The following TANK variants were observed in gnomAD, a reference collection of about 807,000 sequenced individuals.
TANK encodes TRAF family member-associated NF-kappa-B activator.
TANK carries 15 observed loss-of-function variants against 43.6 expected under a neutral mutation model. That is an observed-to-expected ratio of 0.34 (90% CI 0.23 to 0.53). The LOEUF is 0.53. Ranked by LOEUF, TANK falls within the 20% of genes least tolerant of loss-of-function variation. The pLI is 0.94. For missense variants in TANK, 417 were observed against 498.6 expected (o/e 0.84, Z 1.56); for synonymous variants, 162 against 178.2 (o/e 0.91, Z 0.73).
intron 1 of TANK, among the ~76,000 whole-genome samples, chr2:161,168,513 A>T (rs560704805): frequency 1.3e-5 from 2 of 152,134 alleles, no homozygotes; most frequent in South Asian, 2.1e-4. Flanking sequence ...AAAGAAAAAA[A>T]ATCCTAATTG....
intron 4 of TANK, among the ~76,000 whole-genome samples, chr2:161,220,228 C>A (rs1371387658): frequency 2.6e-5 from 4 of 152,126 alleles, no homozygotes; most frequent in African/African-American, 9.7e-5. Flanking sequence ...TTAATAGAAG[C>A]CTTTTAAAGT....
intron 4 of TANK, among the ~76,000 whole-genome samples, chr2:161,207,020 G>GT (rs915749622): frequency 1.1e-4 from 17 of 151,722 alleles, no homozygotes; most frequent in African/African-American, 2.7e-4. Context: ...TAATAGTTTT[G>GT]TTTTTTTTAA....
rs1487883771 is a variant in TANK at position 161,141,838 on chromosome 2, A to G, written c.-50+4775A>G. Among the ~76,000 whole-genome samples, 4 of 152,190 alleles carry G rather than the reference A, an allele frequency of 2.6e-5. No homozygotes were observed. The East Asian group carries it at 7.7e-4, about 29-fold the overall frequency. ...TATAATGATGTATATTCCTTTGGGT[A>G]TATACCCATTAATAGGATTGCTGGG... is the stretch of plus-strand genomic sequence containing the variant. On this transcript the variant is annotated intron_variant, in intron 1 of 7. Coordinates refer to the TANK transcript ENST00000259075.
At chr2:161,173,575 G>A (rs547890266) in intron 1 of TANK, among the ~76,000 whole-genome samples, 1 of 151,822 alleles carries the variant, frequency 6.6e-6, no homozygotes, top group Non-Finnish European at 1.5e-5. Flanking sequence ...TGAACCATTG[G>A]TTGAGGTCTA....
At chr2:161,173,803 C>A (rs556139028) in intron 1 of TANK, among the ~76,000 whole-genome samples, 1 of 152,206 alleles carries the variant, frequency 6.6e-6, no homozygotes, top group Admixed American at 6.5e-5. Context: ...CTGAACCAGT[C>A]TTGAACATTG....
At chr2:161,141,819 G>A (rs1229587170) in intron 1 of TANK, among the ~76,000 whole-genome samples, 1 of 152,122 alleles carries the variant, frequency 6.6e-6, no homozygotes, top group Non-Finnish European at 1.5e-5. Flanking sequence ...ATAGTATAAT[G>A]ATGTATATTC....
chr2:161,160,878 C>T (rs1032876244), intron 1 of TANK: 36 of 485,748 alleles, frequency 7.4e-5, no homozygotes, highest in Middle Eastern at 3.1e-4. Flanking sequence ...GAGAGACTGC[C>T]TCCTAGAATC....
At chr2:161,156,562 G>A (rs144233231), upstream of TANK, among the ~76,000 whole-genome samples, 75 of 152,280 alleles carry the variant, frequency 4.9e-4, no homozygotes, top group Admixed American at 1.4e-3. Flanking sequence ...TTTTCAAAGG[G>A]ATGCTTTCTC....
At chr2:161,191,317 G>A (rs1685905478) in intron 2 of TANK, among the ~76,000 whole-genome samples, 1 of 152,104 alleles carries the variant, frequency 6.6e-6, no homozygotes, top group Non-Finnish European at 1.5e-5. Context: ...AGATGTACAG[G>A]ATATAAAGTG....
intron 2 of TANK, among the ~76,000 whole-genome samples, chr2:161,193,530 G>T (rs1285502930): frequency 6.6e-6 from 1 of 152,080 alleles, no homozygotes; most frequent in East Asian, 1.9e-4. Flanking sequence ...GACCAGCCTG[G>T]GCAGCATAGC....
intron 4 of TANK, chr2:161,219,887 T>C (rs1267500262): frequency 2.9e-6 from 1 of 349,118 alleles, no homozygotes; most frequent in African/African-American, 2.2e-5. Flanking sequence ...TACTACTTAC[T>C]TTTCCTTTTT....
intron 4 of TANK, among the ~76,000 whole-genome samples, chr2:161,210,123 A>G (rs1330402232): frequency 1.3e-5 from 2 of 152,198 alleles, no homozygotes; most frequent in African/African-American, 2.4e-5. Context: ...ATCAGCAGAT[A>G]TGGTGGCTTT....
chr2:161,230,473 C>G (rs1336385623), intron 6 of TANK, among the ~76,000 whole-genome samples: 2 of 152,204 alleles, frequency 1.3e-5, no homozygotes, highest in Non-Finnish European at 2.9e-5. Flanking sequence ...CCTGCAACCA[C>G]CAGTCCCTCA....
At position 161,173,481 on chromosome 2, in the gene TANK, G is replaced by A. The variant is rs79045080; in HGVS notation, c.-49-6133G>A. On this transcript the variant is annotated intron_variant, in intron 1 of 7. Transcript: ENST00000392749. ...TTATTTTGATTGTTCCTTCTATTGA[G>A]CCTTTATCTTGTTTATACCTTTTAC... Among the ~76,000 whole-genome samples the A allele has an allele frequency of 4.6e-5, 7 of 152,108 alleles. No homozygotes were observed. In the East Asian group the frequency reaches 1.4e-3, roughly 29 times the overall value.
chr2:161,218,471 T>C (rs1459070644), intron 4 of TANK, among the ~76,000 whole-genome samples: 1 of 152,196 alleles, frequency 6.6e-6, no homozygotes, highest in Non-Finnish European at 1.5e-5. Flanking sequence ...TGCCAAACTA[T>C]ACACAAATTA....
upstream of TANK, chr2:161,156,040 C>A (rs887450528): frequency 2.0e-6 from 2 of 980,232 alleles, no homozygotes; most frequent in African/African-American, 1.8e-5. Flanking sequence ...ACATTGAGTC[C>A]TTTTCATTTT....
rs563993167 is a variant in TANK, at chr2:161,225,230, CT to C, written c.520+494del. Among the ~76,000 whole-genome samples the C allele has an allele frequency of 1.0e-4, 15 of 147,870 alleles. No homozygotes were observed. In the East Asian group the frequency reaches 1.2e-3, roughly 12 times the overall value. ...TATGGATAGATGTTTTTTTAATGTT[CT>C]TTTTTTTTTAATTCAATACAGAATC... is the stretch of plus-strand genomic sequence containing the variant. On this transcript the variant is annotated intron_variant, in intron 6 of 7. Coordinates refer to ENST00000392749, the MANE Select transcript of TANK (RefSeq NM_001199135.3).
intron 1 of TANK, among the ~76,000 whole-genome samples, chr2:161,141,314 T>C (rs1027074645): frequency 1.3e-5 from 2 of 152,128 alleles, no homozygotes; most frequent in Non-Finnish European, 2.9e-5. Context: ...AACCAGACAG[T>C]GTGACTTTCT....
intron 4 of TANK, among the ~76,000 whole-genome samples, chr2:161,205,542 G>GAATA (rs1203937978): frequency 5.3e-5 from 8 of 152,016 alleles, no homozygotes; most frequent in African/African-American, 1.9e-4. Context: ...AGACTCTATT[G>GAATA]AAGTAATACA....
Sources: allele counts gnomAD v4.1 joint callset (sites outside exome capture counted in the v4.1 genomes callset), GRCh38; gene constraint gnomAD v4.1.1; transcripts MANE v1.5; gene names NCBI Gene and HGNC (gene_info 2026-07-23, HGNC 2026-07-21).